ADGRL3: variants seen among roughly 807,000 people sequenced by gnomAD.
The protein encoded by ADGRL3 is adhesion G protein-coupled receptor L3.
ADGRL3 carries 62 observed loss-of-function variants against 153.5 expected under a neutral mutation model. The ratio of observed to expected loss-of-function variants is 0.40; its 90% CI spans 0.33 to 0.50. ADGRL3 has a LOEUF of 0.50. Ranked by LOEUF, ADGRL3 falls within the 20% of genes least tolerant of loss-of-function variation. ADGRL3 has a pLI of 0.47. For synonymous variants in ADGRL3, 710 were observed against 672.5 expected (o/e 1.06, Z -0.86); for missense variants, 1,641 against 1,859.4 (o/e 0.88, Z 2.16).
intron 15 of ADGRL3, among the ~76,000 whole-genome samples, 164 bp from the exon 16 acceptor site, chr4:61,946,750 A>G (rs917952289): frequency 6.6e-6 from 1 of 152,184 alleles, no homozygotes; most frequent in Non-Finnish European, 1.5e-5. Flanking sequence ...TTGTTTTAGC[A>G]TAATTTGAAT....
chr4:61,722,972 G>A (rs906570579), intron 6 of ADGRL3, among the ~76,000 whole-genome samples: 1 of 152,122 alleles, frequency 6.6e-6, no homozygotes, highest in Non-Finnish European at 1.5e-5. Flanking sequence ...CATATCCAGA[G>A]CTGGATGTAT....
intron 1 of ADGRL3, among the ~76,000 whole-genome samples, chr4:61,264,025 G>A (rs1043405116): frequency 6.6e-6 from 1 of 151,860 alleles, no homozygotes; most frequent in Non-Finnish European, 1.5e-5. Flanking sequence ...GAAACAAGTA[G>A]ATTTTCAGGA....
chr4:61,470,494 ATC>A (rs1421140812), intron 2 of ADGRL3, among the ~76,000 whole-genome samples: 2 of 151,988 alleles, frequency 1.3e-5, no homozygotes, highest in Non-Finnish European at 2.9e-5. Context: ...CTTTCCTGAA[ATC>A]TGAGTTCCTA....
chr4:61,844,040 A>G (rs1304074803), intron 9 of ADGRL3, among the ~76,000 whole-genome samples: 3 of 151,046 alleles, frequency 2.0e-5, no homozygotes, highest in Admixed American at 6.6e-5. Flanking sequence ...AAAAAAATCA[A>G]CAGTAGACTA....
chr4:61,291,831 T>C (rs1360517311), intron 1 of ADGRL3, among the ~76,000 whole-genome samples: 1 of 147,466 alleles, frequency 6.8e-6, no homozygotes, highest in East Asian at 2.0e-4. Context: ...AGAGTGTAAT[T>C]ATTATCACAT....
intron 1 of ADGRL3, among the ~76,000 whole-genome samples, chr4:61,362,577 G>T (rs1209348583): frequency 6.6e-6 from 1 of 152,068 alleles, no homozygotes; most frequent in Admixed American, 6.6e-5. Flanking sequence ...TATTCTGAAA[G>T]TAAGCTGAAG....
chr4:61,997,050 TCTC>T (rs2099124091), intron 20 of ADGRL3, among the ~76,000 whole-genome samples: 1 of 152,128 alleles, frequency 6.6e-6, no homozygotes, highest in Non-Finnish European at 1.5e-5. Context: ...TCCAGTTTCT[TCTC>T]TGAAATCTTT....
chr4:61,762,686 A>G (rs542880076), intron 8 of ADGRL3, among the ~76,000 whole-genome samples: 1 of 152,302 alleles, frequency 6.6e-6, no homozygotes, highest in East Asian at 1.9e-4. Flanking sequence ...GATCTGATAA[A>G]TACAACATGA....
intron 9 of ADGRL3, among the ~76,000 whole-genome samples, chr4:61,821,173 A>C (rs2097751885): frequency 7.1e-6 from 1 of 141,446 alleles, no homozygotes; most frequent in Admixed American, 7.3e-5. Context: ...AAGTTAGACA[A>C]ATTCCTGCCA....
intron 1 of ADGRL3, among the ~76,000 whole-genome samples, chr4:61,348,193 T>C (rs1015518956): frequency 2.6e-5 from 4 of 152,092 alleles, no homozygotes; most frequent in African/African-American, 9.6e-5. Flanking sequence ...TTTATTCTTA[T>C]GTGCACATAA....
chr4:61,432,655 T>TTTCTTTTTC (rs1553928415), intron 2 of ADGRL3, among the ~76,000 whole-genome samples: 1 of 58,746 alleles, frequency 1.7e-5, no homozygotes, highest in African/African-American at 6.7e-5. Flanking sequence ...TCTTTCTTTC[T>TTTCTTTTTC]TTTTTTTTTT....
intron 19 of ADGRL3, among the ~76,000 whole-genome samples, chr4:61,990,008 C>A (rs956020261): frequency 6.6e-6 from 1 of 151,918 alleles, no homozygotes; most frequent in African/African-American, 2.4e-5. Flanking sequence ...AAAGGTTAAA[C>A]ATAGTTTTGA....
At position 61,539,300 on chromosome 4, in the gene ADGRL3, T is replaced by A. The variant is rs1393781769; in HGVS notation, c.259+21782T>A. 2.0e-5 allele frequency among the ~76,000 whole-genome samples: 3 copies of A among 152,342 alleles called. No homozygotes were observed. In the East Asian group the frequency reaches 5.8e-4, roughly 29 times the overall value. On this transcript the variant is annotated intron_variant, in intron 4 of 26. Coordinates refer to ENST00000683033, the MANE Select transcript of ADGRL3 (RefSeq NM_001387552.1). The stretch of plus-strand genomic sequence containing the variant: ...CCCCCAGTGAGGAGAGCCTCTGCTG[T>A]GTCTGTAACAGTGGGTTGGGGAACA...
chr4:61,451,817 C>G (rs2097677901), intron 2 of ADGRL3, among the ~76,000 whole-genome samples: 1 of 152,110 alleles, frequency 6.6e-6, no homozygotes, highest in Non-Finnish European at 1.5e-5. Context: ...TATGGCAGTC[C>G]TCCTTAATCA....
At chr4:61,616,775 A>T (rs990117301) in intron 5 of ADGRL3, among the ~76,000 whole-genome samples, 3 of 152,060 alleles carry the variant, frequency 2.0e-5, no homozygotes, top group African/African-American at 7.2e-5. Flanking sequence ...TAAATATATA[A>T]TCTCTTACTT....
intron 1 of ADGRL3, among the ~76,000 whole-genome samples, chr4:61,235,992 G>A (rs955816646): frequency 2.5e-4 from 34 of 137,222 alleles, no homozygotes; most frequent in Admixed American, 4.6e-4. Context: ...TTCTTTATCA[G>A]TGTTTCTTTT....
At chr4:61,291,948 T>G (rs1258844121) in intron 1 of ADGRL3, among the ~76,000 whole-genome samples, 1 of 149,622 alleles carries the variant, frequency 6.7e-6, no homozygotes, top group Non-Finnish European at 1.5e-5. Context: ...GCACTGCTTT[T>G]CTTTGTTGAA....
At chr4:62,063,728 T>A (rs1032602515) in intron 25 of ADGRL3, 18 of 530,370 alleles carry the variant, frequency 3.4e-5, no homozygotes, top group Middle Eastern at 5.7e-4. Flanking sequence ...TGCCTTTCTT[T>A]GTTTTGGAAG....
At chr4:61,579,188 T>C (rs2098911566) in intron 4 of ADGRL3, among the ~76,000 whole-genome samples, 2 of 152,096 alleles carry the variant, frequency 1.3e-5, no homozygotes, top group South Asian at 2.1e-4. Flanking sequence ...ATGTCTTATG[T>C]GTAATAATTC....
Sources: allele counts gnomAD v4.1 joint callset (sites outside exome capture counted in the v4.1 genomes callset), GRCh38; gene constraint gnomAD v4.1.1; transcripts MANE v1.5; gene names NCBI Gene and HGNC (gene_info 2026-07-23, HGNC 2026-07-21).